Variants in KDM6A observed in about 807,000 individuals in gnomAD.
KDM6A encodes lysine demethylase 6A.
In KDM6A, 11 loss-of-function variants were observed where a neutral mutation model predicts 117.6. The ratio of observed to expected loss-of-function variants is 0.09; its 90% CI spans 0.06 to 0.15. The LOEUF (loss-of-function observed/expected upper bound fraction) is 0.15. Among genes scored for constraint, KDM6A ranks in the 10% least tolerant of loss-of-function variants. The pLI is 1.00. For missense variants in KDM6A, 799 were observed against 1,077.3 expected (o/e 0.74, Z 3.62); for synonymous variants, 384 against 396.1 (o/e 0.97, Z 0.36).
At chrX:45,041,085 C>T (rs1402466160) in intron 8 of KDM6A, among the ~76,000 whole-genome samples, 2 of 79,083 alleles carry the variant, frequency 2.5e-5, no homozygotes, top group African/African-American at 1.1e-4. Context: ...GCAGAGGCAC[C>T]CCTCACCTCC....
intron 2 of KDM6A, among the ~76,000 whole-genome samples, chrX:44,926,089 G>A (rs1273728219): frequency 1.8e-5 from 1 of 54,209 alleles, no homozygotes; most frequent in African/African-American, 7.5e-5. Flanking sequence ...TCCTTGTTTT[G>A]CAGCAGAGTC....
At chrX:45,099,616 A>G (rs2046255906) in intron 27 of KDM6A, among the ~76,000 whole-genome samples, 1 of 112,060 alleles carries the variant, frequency 8.9e-6, no homozygotes, top group Non-Finnish European at 1.9e-5. Flanking sequence ...GTTTTACTTT[A>G]AAAAGGCAAT....
chrX:44,897,222 T>A (rs2033960087), intron 2 of KDM6A, among the ~76,000 whole-genome samples: 1 of 105,504 alleles, frequency 9.5e-6, no homozygotes, highest in African/African-American at 3.5e-5. Context: ...CTGTCGTCTA[T>A]CATTTCCACT....
intron 2 of KDM6A, among the ~76,000 whole-genome samples, chrX:44,923,007 T>C: frequency 8.9e-6 from 1 of 111,886 alleles, no homozygotes; most frequent in South Asian, 3.7e-4. Flanking sequence ...TGGCTTGTTA[T>C]ATAGAATTCT....
intron 2 of KDM6A, among the ~76,000 whole-genome samples, chrX:44,957,964 A>G (rs973381544): frequency 9.0e-6 from 1 of 111,613 alleles, no homozygotes; most frequent in Non-Finnish European, 1.9e-5. Context: ...TCACTTGTCC[A>G]CTTGCACTAA....
At chrX:45,025,172 T>G (rs1369527565) in intron 6 of KDM6A, among the ~76,000 whole-genome samples, 2 of 111,860 alleles carry the variant, frequency 1.8e-5, no homozygotes, top group Non-Finnish European at 3.8e-5. Context: ...TCAGGATTTT[T>G]TTTTTTTTGA....
intron 3 of KDM6A, among the ~76,000 whole-genome samples, chrX:44,972,693 A>G (rs1377400560): frequency 2.7e-5 from 3 of 111,455 alleles, no homozygotes; most frequent in African/African-American, 9.8e-5. Flanking sequence ...AATATGAACC[A>G]GGAAAATCTG....
intron 4 of KDM6A, among the ~76,000 whole-genome samples, chrX:45,007,933 G>T (rs942791873): frequency 4.5e-5 from 5 of 111,775 alleles, no homozygotes; most frequent in African/African-American, 1.3e-4. Flanking sequence ...AAGAGTTGAT[G>T]TTAGATATTG....
intron 8 of KDM6A, among the ~76,000 whole-genome samples, chrX:45,039,167 G>C (rs940198196): frequency 9.0e-6 from 1 of 110,601 alleles, no homozygotes; most frequent in African/African-American, 3.3e-5. Context: ...ATTAACATCA[G>C]ATTTCTGGGT....
intron 8 of KDM6A, among the ~76,000 whole-genome samples, chrX:45,041,887 G>A (rs1186784889): frequency 1.1e-4 from 11 of 98,320 alleles, no homozygotes; most frequent in African/African-American, 2.6e-4. Flanking sequence ...GCACTTTGGG[G>A]GGCCAAGGCA....
chrX:44,939,357 G>T (rs939053031), intron 2 of KDM6A, among the ~76,000 whole-genome samples: 10 of 112,189 alleles, frequency 8.9e-5, no homozygotes, highest in African/African-American at 3.2e-4. Flanking sequence ...GACTTGAGTA[G>T]AAGTAGTAAA....
chrX:45,079,607 G>C (rs1055680835), intron 21 of KDM6A, among the ~76,000 whole-genome samples: 22 of 111,806 alleles, frequency 2.0e-4, no homozygotes, highest in Non-Finnish European at 5.6e-5. Context: ...GCAGTGGCAC[G>C]ATCTTGGCTC....
intron 18 of KDM6A, among the ~76,000 whole-genome samples, chrX:45,073,441 G>T (rs1428579045): frequency 1.8e-5 from 2 of 111,702 alleles, no homozygotes; most frequent in Non-Finnish European, 3.8e-5. Context: ...GATCCTTGAG[G>T]AATCTCCACA....
At chrX:44,920,292 T>G in intron 2 of KDM6A, among the ~76,000 whole-genome samples, 1 of 111,557 alleles carries the variant, frequency 9.0e-6, no homozygotes, top group Admixed American at 9.5e-5. Context: ...GGATTTATTA[T>G]AGCCTCTTGA....
intron 17 of KDM6A, 150 bp downstream of exon 17, chrX:45,063,967 A>T: frequency 1.9e-6 from 1 of 536,901 alleles, no homozygotes; most frequent in South Asian, 2.7e-5. Context: ...GTGATTCATT[A>T]TGTACATACA....
At chrX:44,941,446 C>T (rs2037311987) in intron 2 of KDM6A, among the ~76,000 whole-genome samples, 1 of 109,350 alleles carries the variant, frequency 9.1e-6, no homozygotes, top group South Asian at 4.0e-4. Context: ...TTACCCCTCC[C>T]CTCTTCCATC....
chrX:44,918,613 T>TG (rs941802242), intron 2 of KDM6A, among the ~76,000 whole-genome samples: 1 of 111,421 alleles, frequency 9.0e-6, no homozygotes, highest in African/African-American at 3.3e-5. Context: ...AGAATACATG[T>TG]GGACTCCAGT....
At chrX:44,963,440 A>AGT (rs747821170) in intron 3 of KDM6A, among the ~76,000 whole-genome samples, 9,280 of 69,658 alleles carry the variant, frequency 0.13, 680 homozygotes, top group Admixed American at 0.16. Flanking sequence ...AGGGTGACAG[A>AGT]GTGTGTGTGT....
intron 2 of KDM6A, among the ~76,000 whole-genome samples, chrX:44,891,479 G>T (rs2033358888): frequency 9.0e-6 from 1 of 111,603 alleles, no homozygotes; most frequent in Non-Finnish European, 1.9e-5. Flanking sequence ...TATTATGTTC[G>T]ATTTGTCTAC....
Sources: allele counts gnomAD v4.1 joint callset (sites outside exome capture counted in the v4.1 genomes callset), GRCh38; gene constraint gnomAD v4.1.1; transcripts MANE v1.5; gene names NCBI Gene and HGNC (gene_info 2026-07-23, HGNC 2026-07-21).